Variants in IL15 observed in about 807,000 individuals in gnomAD.
The protein encoded by IL15 is interleukin 15.
IL15 carries 11 observed loss-of-function variants against 19.6 expected under a neutral mutation model. That is an observed-to-expected ratio of 0.56 (90% CI 0.35 to 0.93). The LOEUF (loss-of-function observed/expected upper bound fraction) is 0.93, where lower values mean the gene tolerates loss of function less well. Among genes scored for constraint, IL15 ranks in the 40% least tolerant of loss-of-function variants. IL15 has a pLI of 0.01. For synonymous variants in IL15, 58 were observed against 59.6 expected, an observed-to-expected ratio of 0.97 and a Z score of 0.12; for missense variants, 197 against 186.5, an observed-to-expected ratio of 1.06 and a Z score of -0.33.
At chr4:141,658,517 A>T (rs1727681675) in intron 2 of IL15, among the ~76,000 whole-genome samples, 1 of 152,122 alleles carries the variant, frequency 6.6e-6, no homozygotes, top group African/African-American at 2.4e-5. Flanking sequence ...CACAGAAATA[A>T]ATCCAAGCAT....
chr4:141,725,304 T>A (rs1400946254), intron 5 of IL15, among the ~76,000 whole-genome samples: 2 of 152,210 alleles, frequency 1.3e-5, no homozygotes, highest in Non-Finnish European at 1.5e-5. Context: ...TATCAAAATG[T>A]GACTGTATTT....
intron 2 of IL15, among the ~76,000 whole-genome samples, chr4:141,680,844 C>T (rs1406360458): frequency 6.6e-6 from 1 of 152,164 alleles, no homozygotes; most frequent in African/African-American, 2.4e-5. Context: ...AACAATTCAC[C>T]TCTTTCATTA....
intron 2 of IL15, among the ~76,000 whole-genome samples, chr4:141,690,095 G>T (rs912142165): frequency 5.3e-5 from 8 of 152,174 alleles, no homozygotes; most frequent in Middle Eastern, 3.2e-3. Flanking sequence ...GCAGCCGCTG[G>T]CCCCGGTGCT....
At chr4:141,723,083 T>G (rs993493677) in intron 5 of IL15, among the ~76,000 whole-genome samples, 1 of 152,094 alleles carries the variant, frequency 6.6e-6, no homozygotes, top group Non-Finnish European at 1.5e-5. Flanking sequence ...AGAGATTGGT[T>G]GAATTCATAA....
intron 2 of IL15, among the ~76,000 whole-genome samples, chr4:141,708,456 C>A (rs1335822619): frequency 1.3e-5 from 2 of 152,046 alleles, no homozygotes; most frequent in Non-Finnish European, 2.9e-5. Context: ...TCAAGGTGGG[C>A]TCCTACTGTG....
intron 1 of IL15, among the ~76,000 whole-genome samples, chr4:141,647,934 A>T (rs1417170932): frequency 6.6e-6 from 1 of 152,036 alleles, no homozygotes; most frequent in African/African-American, 2.4e-5. Flanking sequence ...AAGGTCATAG[A>T]TGAGAAGAAT....
rs561567558 is a variant in IL15, at chr4:141,676,123, A to G, written c.-100+19816A>G. Among the ~76,000 whole-genome samples the G allele has an allele frequency of 5.9e-5, 9 of 152,324 alleles. No homozygotes were observed. In the East Asian group the frequency reaches 1.5e-3, roughly 26 times the overall value. On this transcript the variant is annotated intron_variant, in intron 2 of 7. Coordinates refer to ENST00000320650, the MANE Select transcript of IL15 (RefSeq NM_000585.5). ...TAGAAAGTTTTTAAGGCATATTTAGAAAGTTTTTAAGGCATATTTAGAAAG... is the reference window on the plus strand; with the variant it reads ...TAGAAAGTTTTTAAGGCATATTTAGGAAGTTTTTAAGGCATATTTAGAAAG...
At chr4:141,679,173 T>G (rs1728455817) in intron 2 of IL15, among the ~76,000 whole-genome samples, 1 of 152,188 alleles carries the variant, frequency 6.6e-6, no homozygotes, top group Non-Finnish European at 1.5e-5. Flanking sequence ...GACTAAGTAA[T>G]TTGGGACAAG....
chr4:141,724,729 A>G (rs893148924), intron 5 of IL15, among the ~76,000 whole-genome samples: 4 of 152,124 alleles, frequency 2.6e-5, no homozygotes, highest in Non-Finnish European at 5.9e-5. Flanking sequence ...CAGAAACCAC[A>G]AACTACCAAA....
intron 2 of IL15, among the ~76,000 whole-genome samples, chr4:141,694,098 G>T (rs1424440349): frequency 6.6e-6 from 1 of 152,196 alleles, no homozygotes; most frequent in East Asian, 1.9e-4. Context: ...CTTAGGTAGT[G>T]GCACAGTTTA....
chr4:141,648,841 A>T (rs982198586), intron 1 of IL15, among the ~76,000 whole-genome samples: 1 of 152,102 alleles, frequency 6.6e-6, no homozygotes, highest in Non-Finnish European at 1.5e-5. Context: ...CATGGCTTCC[A>T]GGCTAAGGTG....
intron 2 of IL15, among the ~76,000 whole-genome samples, chr4:141,657,572 TC>T (rs561039325): frequency 9.9e-5 from 15 of 152,216 alleles, no homozygotes; most frequent in African/African-American, 3.6e-4. Flanking sequence ...AAGCTTTTTT[TC>T]TGTTTTTAAA....
At chr4:141,692,653 A>C (rs1728953003) in intron 2 of IL15, among the ~76,000 whole-genome samples, 1 of 152,090 alleles carries the variant, frequency 6.6e-6, no homozygotes, top group African/African-American at 2.4e-5. Context: ...GAAAAATGCC[A>C]CCAGTGTCTA....
intron 2 of IL15, among the ~76,000 whole-genome samples, chr4:141,673,494 C>T (rs1302344685): frequency 1.3e-5 from 2 of 152,138 alleles, no homozygotes; most frequent in African/African-American, 4.8e-5. Flanking sequence ...CACTCTCCTA[C>T]CTACTTTGAC....
chr4:141,648,686 C>T (rs544855825), intron 1 of IL15, among the ~76,000 whole-genome samples: 5 of 152,132 alleles, frequency 3.3e-5, no homozygotes, highest in African/African-American at 1.2e-4. Context: ...TCCTGAAAAG[C>T]AAGATCCTTG....
intron 2 of IL15, among the ~76,000 whole-genome samples, chr4:141,676,762 G>T (rs1728363402): frequency 6.6e-6 from 1 of 150,488 alleles, no homozygotes; most frequent in Non-Finnish European, 1.5e-5. Flanking sequence ...GGATGAGATT[G>T]TAGGTATGGC....
Position 141,727,941 on chromosome 4 carries a change from C to G in IL15, c.197C>G (p.Ser66Cys), listed in dbSNP as rs1730322524. 4 of 1,268,346 alleles carry G rather than the reference C, an allele frequency of 3.2e-6. No individual in the cohort carries two copies. The highest frequency in any genetic ancestry group is 3.4e-6 in the Non-Finnish European group (3 of 887,228). The allele number at this position is 1,268,346 out of a possible 1,614,324, so 78.6% of individuals were successfully genotyped here. A position where few individuals can be genotyped will look rare whatever the true frequency, so the allele number is the denominator to read the frequency against. ...DLKKIEDLIQSMHIDATLYTE... is the reference protein window; with the variant it reads ...DLKKIEDLIQCMHIDATLYTE... ...TTGTCTAATTTTGTTTCCTTTCAGT[C>G]TATGCATATTGATGCTACTTTATAT... The change falls in exon 6 of 8, where the codon TCT (serine) becomes TGT (cysteine). Residue 66 changes from serine to cysteine, a missense_variant and splice_region_variant. Physicochemically the swap from Ser to Cys is moderately radical, Grantham distance 112 (BLOSUM62 -1). Coordinates refer to ENST00000320650, the MANE Select transcript of IL15 (RefSeq NM_000585.5).
chr4:141,691,763 C>T lies in IL15; in HGVS notation c.-99-27603C>T, dbSNP rs567459263. 6.8e-4 allele frequency among the ~76,000 whole-genome samples: 104 copies of T among 152,320 alleles called. No individual in the cohort carries two copies. In the Middle Eastern group the frequency reaches 0.01, roughly 15 times the overall value. On this transcript the variant is annotated intron_variant, in intron 2 of 7. Coordinates refer to ENST00000320650, the MANE Select transcript of IL15 (RefSeq NM_000585.5). ...CCTACTGGGTCTGCAGCATACAGTC[C>T]CTTTAGCTGCTTTCATGGGCTGGCA... is the stretch of plus-strand genomic sequence containing the variant.
chr4:141,699,845 G>T (rs1729225245), intron 2 of IL15, among the ~76,000 whole-genome samples: 1 of 152,086 alleles, frequency 6.6e-6, no homozygotes, highest in Admixed American at 6.6e-5. Context: ...GTGAAGTACT[G>T]TTCTATTCAT....
Sources: gnomAD v4.1 joint callset for allele counts (sites outside exome capture counted in the v4.1 genomes callset) on GRCh38, gnomAD v4.1.1 for gene constraint, MANE v1.5 for transcripts, NCBI Gene and HGNC (gene_info 2026-07-23, HGNC 2026-07-21) for gene names.